The following IMMP2L variants were observed in gnomAD, a reference collection of about 807,000 sequenced individuals.
IMMP2L encodes mitochondrial inner membrane protease subunit 2.
In IMMP2L, 18 loss-of-function variants were observed where a neutral mutation model predicts 19.3. The ratio of observed to expected loss-of-function variants is 0.93; its 90% CI spans 0.64 to 1.38. IMMP2L has a LOEUF of 1.38. IMMP2L is among the 40% of genes most tolerant of loss of function. The pLI is 0.00. For synonymous variants in IMMP2L, 76 were observed against 73.0 expected (o/e 1.04, Z -0.21); for missense variants, 233 against 218.2 (o/e 1.07, Z -0.43).
At chr7:110,822,109 C>T (rs1563000120) in intron 5 of IMMP2L, among the ~76,000 whole-genome samples, 1 of 152,064 alleles carries the variant, frequency 6.6e-6, no homozygotes, top group Non-Finnish European at 1.5e-5. Flanking sequence ...AAATGAAATT[C>T]ATCATTTTGC....
intron 3 of IMMP2L, among the ~76,000 whole-genome samples, chr7:111,176,700 G>A (rs909238170): frequency 6.6e-6 from 1 of 151,896 alleles, no homozygotes; most frequent in African/African-American, 2.4e-5. Context: ...ATAAAATCTA[G>A]TATTTGATAG....
At chr7:111,393,181 C>T (rs1042556966) in intron 3 of IMMP2L, among the ~76,000 whole-genome samples, 1 of 152,032 alleles carries the variant, frequency 6.6e-6, no homozygotes, top group African/African-American at 2.4e-5. Context: ...AATAACCTCA[C>T]TAGAACAAAA....
intron 2 of IMMP2L, among the ~76,000 whole-genome samples, chr7:111,504,438 C>T (rs1309022326): frequency 1.3e-5 from 2 of 151,684 alleles, no homozygotes; most frequent in East Asian, 3.9e-4. Flanking sequence ...ATCAAGCTAC[C>T]AATGACTTTC....
rs1021349565 is a variant in IMMP2L, at chr7:111,090,624, A to G, written c.240-127059T>C. 3.8e-3 allele frequency among the ~76,000 whole-genome samples: 583 copies of G among 152,186 alleles called. 3 individuals are homozygous for G. Among genetic ancestry groups the G allele is most frequent in the African/African-American group, 0.014 (562 of 41,540 alleles). ...ATGTCATTGCTAAAAAAAAAAAAAA[A>G]AAAGTGTTATTGAACACCAAGCACA... is the stretch of plus-strand genomic sequence containing the variant. On this transcript the variant is annotated intron_variant, in intron 3 of 5. Coordinates refer to ENST00000405709, the MANE Select transcript of IMMP2L (RefSeq NM_032549.4).
At position 110,963,628 on chromosome 7, in the gene IMMP2L, G is replaced by T. The variant is rs891471681; in HGVS notation, c.240-63C>A. 15 of 1,021,890 alleles carry T rather than the reference G, an allele frequency of 1.5e-5. No individual in the cohort carries two copies. The East Asian group carries it at 2.3e-4, about 15-fold the overall frequency. The allele number at this position is 1,021,890 out of a possible 1,614,324, so 63.3% of individuals were successfully genotyped here. A position where few individuals can be genotyped will look rare whatever the true frequency, so the allele number is the denominator to read the frequency against. On this transcript the variant is annotated intron_variant, in intron 3 of 5. Transcript: ENST00000405709. Reference sequence around the variant, plus strand: ...CTATGTTGTTTTAGGAAGATGAAAAGAAATTCTATAACAAAATAGGCTATA... The same window carrying T: ...CTATGTTGTTTTAGGAAGATGAAAATAAATTCTATAACAAAATAGGCTATA...
chr7:110,811,121 A>G (rs1484527341), intron 5 of IMMP2L, among the ~76,000 whole-genome samples: 2 of 152,012 alleles, frequency 1.3e-5, no homozygotes, highest in African/African-American at 4.8e-5. Flanking sequence ...TTTGCTTGAC[A>G]TGTACTCGGG....
chr7:111,484,918 C>T (rs1369235091), intron 3 of IMMP2L, among the ~76,000 whole-genome samples: 3 of 151,994 alleles, frequency 2.0e-5, no homozygotes, highest in Non-Finnish European at 4.4e-5. Flanking sequence ...TCCCAGGTAG[C>T]TAAGAACTAC....
At position 111,539,349 on chromosome 7, in the gene IMMP2L, A is replaced by C. The variant is rs561807026; in HGVS notation, c.-2-17900T>G. On this transcript the variant is annotated intron_variant, in intron 1 of 5. Coordinates refer to ENST00000405709, the MANE Select transcript of IMMP2L (RefSeq NM_032549.4). The stretch of plus-strand genomic sequence containing the variant: ...GACTTTTCTGTATTTTTCTTCAATA[A>C]ATCATAACACAACACTCTTGTCCAA... Among the ~76,000 whole-genome samples, 9 of 152,246 alleles carry C rather than the reference A, an allele frequency of 5.9e-5. No homozygotes were observed. The South Asian group carries it at 1.7e-3, about 28-fold the overall frequency.
intron 3 of IMMP2L, among the ~76,000 whole-genome samples, chr7:110,976,583 A>G (rs568902590): frequency 2.6e-5 from 4 of 152,248 alleles, no homozygotes; most frequent in African/African-American, 9.6e-5. Flanking sequence ...GAATATTTAT[A>G]CAAACATGAA....
chr7:110,730,332 GCCTTCATCTTCCTCCCGTGGTGGATGTTT>G (rs1350241078), intron 5 of IMMP2L, among the ~76,000 whole-genome samples: 1 of 152,042 alleles, frequency 6.6e-6, no homozygotes, highest in African/African-American at 2.4e-5. Context: ...GAGTCTCCCG[GCCTTCATCTTCCTCCCGTGGTGGATGTTT>G]CCTGCCCTCG....
chr7:111,519,189 C>CA (rs1846130128), intron 2 of IMMP2L, among the ~76,000 whole-genome samples: 1 of 152,138 alleles, frequency 6.6e-6, no homozygotes, highest in African/African-American at 2.4e-5. Flanking sequence ...GAGCTGCCAG[C>CA]AGCCATGTAC....
intron 3 of IMMP2L, among the ~76,000 whole-genome samples, chr7:111,210,561 C>A (rs556307458): frequency 1.3e-5 from 2 of 151,972 alleles, no homozygotes; most frequent in Non-Finnish European, 2.9e-5. Flanking sequence ...TTTCTCTTTT[C>A]TTATGCTTGA....
At chr7:110,988,534 T>C (rs1822094329) in intron 3 of IMMP2L, among the ~76,000 whole-genome samples, 1 of 152,150 alleles carries the variant, frequency 6.6e-6, no homozygotes, top group Admixed American at 6.6e-5. Context: ...GCACCGACTC[T>C]AGTAAATGGA....
chr7:111,365,189 G>A (rs1311100855), intron 3 of IMMP2L, among the ~76,000 whole-genome samples: 1 of 151,990 alleles, frequency 6.6e-6, no homozygotes, highest in Non-Finnish European at 1.5e-5. Context: ...AGTGGCCTTT[G>A]CACAATCCTA....
intron 3 of IMMP2L, among the ~76,000 whole-genome samples, chr7:111,264,740 C>T (rs1459986413): frequency 1.3e-5 from 2 of 150,948 alleles, no homozygotes; most frequent in African/African-American, 4.9e-5. Flanking sequence ...GATATGGAAA[C>T]AGCCAACCAT....
At chr7:111,216,961 C>T (rs1811989349) in intron 3 of IMMP2L, among the ~76,000 whole-genome samples, 1 of 151,862 alleles carries the variant, frequency 6.6e-6, no homozygotes. Flanking sequence ...AGTGATTTTG[C>T]CCATATAAAT....
chr7:111,388,328 G>A (rs1318206265), intron 3 of IMMP2L, among the ~76,000 whole-genome samples: 2 of 151,974 alleles, frequency 1.3e-5, no homozygotes, highest in South Asian at 2.1e-4. Context: ...ATATACTGAG[G>A]ATAATGGGAG....
intron 1 of IMMP2L, among the ~76,000 whole-genome samples, chr7:111,527,324 G>C (rs944820361): frequency 5.0e-4 from 75 of 149,652 alleles, no homozygotes; most frequent in African/African-American, 1.8e-3. Context: ...GGCTGAGGTG[G>C]AAGGACTGCT....
At chr7:110,847,638 A>G (rs1272525392) in intron 5 of IMMP2L, among the ~76,000 whole-genome samples, 1 of 152,176 alleles carries the variant, frequency 6.6e-6, no homozygotes, top group Admixed American at 6.6e-5. Flanking sequence ...GAAGAACATC[A>G]GAGGACTGAC....
Sources: gnomAD v4.1 joint callset for allele counts (sites outside exome capture counted in the v4.1 genomes callset) on GRCh38, gnomAD v4.1.1 for gene constraint, MANE v1.5 for transcripts, NCBI Gene and HGNC (gene_info 2026-07-23, HGNC 2026-07-21) for gene names.